The following DHODH variants were observed in gnomAD, a reference collection of about 807,000 sequenced individuals.
The protein encoded by DHODH is dihydroorotate dehydrogenase (quinone), mitochondrial.
In DHODH, 30 loss-of-function variants were observed where a neutral mutation model predicts 39.7. That is an observed-to-expected ratio of 0.76 (90% CI 0.57 to 1.02). The LOEUF (loss-of-function observed/expected upper bound fraction) is 1.02, where lower values mean the gene tolerates loss of function less well. Among genes scored for constraint, DHODH ranks in the 50% least tolerant of loss-of-function variants. DHODH has a pLI of 0.00. For missense variants in DHODH, 531 were observed against 520.8 expected (o/e 1.02, Z -0.19); for synonymous variants, 222 against 213.8 (o/e 1.04, Z -0.34).
In DHODH at chr16:72,017,032, TTAACAGTCACGGGCTTTCAGTG is replaced by T. The variant is rs2143982560; in HGVS notation, c.444_465del (p.Phe148LeufsTer56). 1 of 1,613,976 alleles carries T rather than the reference TTAACAGTCACGGGCTTTCAGTG, an allele frequency of 6.2e-7. No homozygotes were observed. Among genetic ancestry groups the T allele is most frequent in the African/African-American group, 1.3e-5 (1 of 74,992 alleles). ...GTGCTTGTGCTCTGCAGGTATGGAT[TTAACAGTCACGGGCTTTCAGTG>T]GTGGAACACAGGTTACGGGCCAGAC... On this transcript the variant is annotated frameshift_variant, in exon 4 of 9. Transcript: ENST00000219240. LOFTEE classifies it high-confidence loss of function.
intron 1 of DHODH, among the ~76,000 whole-genome samples, chr16:72,010,476 A>G (rs1351966960): frequency 6.6e-6 from 1 of 152,176 alleles, no homozygotes; most frequent in Non-Finnish European, 1.5e-5. Flanking sequence ...TGCTATGACT[A>G]CATATTTGCA....
chr16:72,014,573 T>C lies in DHODH; in HGVS notation c.335T>C (p.Phe112Ser). The C allele has an allele frequency of 1.2e-6, 2 of 1,614,192 alleles. No homozygotes were observed. The highest frequency in any genetic ancestry group is 2.2e-5 in the South Asian group (2 of 91,078). ...GTGGACGGACTTTATAAGATGGGCT[T>C]TGGTTTTGTTGAGATAGGAAGTGTG... ...EAVDGLYKMG[F>S]GFVEIGSVTP... Residue 112 changes from phenylalanine to serine, a missense_variant, in exon 3 of 9, where the codon TTT (phenylalanine) becomes TCT (serine). Transcript: ENST00000219240.
intron 1 of DHODH, among the ~76,000 whole-genome samples, chr16:72,009,556 G>A (rs2041060298): frequency 6.9e-6 from 1 of 145,466 alleles, no homozygotes; most frequent in Non-Finnish European, 1.5e-5. Flanking sequence ...GATATTTGTT[G>A]ATTGACATGG....
intron 3 of DHODH, chr16:72,016,522 GA>G: frequency 4.4e-6 from 1 of 229,202 alleles, no homozygotes; most frequent in Non-Finnish European, 8.7e-6. Flanking sequence ...CAAGCCAGGA[GA>G]AAGGTGGGGC....
chr16:72,023,618 T>C lies in DHODH; in HGVS notation c.1118T>C (p.Leu373Pro). The C allele has an allele frequency of 6.2e-7, 1 of 1,614,030 alleles. No individual in the cohort carries two copies. Among genetic ancestry groups the C allele is most frequent in the Non-Finnish European group, 8.5e-7 (1 of 1,180,036 alleles). ...GTTGTGGGCAAAGTCAAGCGGGAAC[T>C]GGAGGCCCTTCTGAAGTGAGTGAGG... ...PPVVGKVKRELEALLKEQGFG... is the reference protein window; with the variant it reads ...PPVVGKVKREPEALLKEQGFG... Residue 373 changes from leucine to proline, a missense_variant, in exon 8 of 9, where the codon CTG (leucine) becomes CCG (proline). Transcript: ENST00000219240.
Position 72,021,121 on chromosome 16 carries a change from C to T in DHODH, c.518-3C>T. ...GTGCAGGCCTGACCAGCGATGTTTG[C>T]AGATGGACTGCCTCTGGGGGTCAAC... On this transcript the variant is annotated splice_region_variant and splice_polypyrimidine_tract_variant and intron_variant, in intron 4 of 8. Transcript: ENST00000219240. 6.2e-7 allele frequency: 1 copy of T among 1,602,904 alleles called. No individual in the cohort carries two copies. The highest frequency in any genetic ancestry group is 8.5e-7 in the Non-Finnish European group (1 of 1,174,476).
At position 72,026,957 on chromosome 16, in the gene DHODH, ATTTGTGTGTGTGTGTGTG is replaced by A. The variant is rs2041280730; in HGVS notation, c.*2760_*2777del. ...AGGTGCCCACTACCACACCCAGCTA[ATTTGTGTGTGTGTGTGTG>A]TGTGTGTGTGTGTGTGTGTGTGTGT... On this transcript the variant is annotated 3_prime_UTR_variant, in exon 9 of 9. Coordinates refer to ENST00000219240, the MANE Select transcript of DHODH (RefSeq NM_001361.5). 1 of 106,578 alleles carries A rather than the reference ATTTGTGTGTGTGTGTGTG, an allele frequency of 9.4e-6. No homozygotes were observed. Among genetic ancestry groups the A allele is most frequent in the African/African-American group, 3.7e-5 (1 of 26,728 alleles). 6.6% of individuals were successfully genotyped at this position (106,578 alleles called of 1,614,324 possible).
At chr16:72,009,764 G>T (rs566398832) in intron 1 of DHODH, among the ~76,000 whole-genome samples, 1 of 151,276 alleles carries the variant, frequency 6.6e-6, no homozygotes, top group Non-Finnish European at 1.5e-5. Context: ...ACAGGCGCGC[G>T]CCACCACGAC....
chr16:72,012,093 T>A lies in DHODH; in HGVS notation c.65T>A (p.Leu22His). 6.2e-7 allele frequency: 1 copy of A among 1,614,168 alleles called. No individual in the cohort carries two copies. Among genetic ancestry groups the A allele is most frequent in the Non-Finnish European group, 8.5e-7 (1 of 1,180,012 alleles). Residue 22 changes from leucine (L) to histidine (H), a missense_variant, in exon 2 of 9, where the codon CTT becomes CAT. Transcript: ENST00000219240. The stretch of plus-strand genomic sequence containing the variant: ...GTGATCATCCTGGGGGGAGGAGGAC[T>A]TCTCTTCGCCTCCTACCTGATGGCC... ...DAVIILGGGG[L>H]LFASYLMATG...
intron 4 of DHODH, among the ~76,000 whole-genome samples, chr16:72,019,773 G>A (rs543495850): frequency 6.6e-6 from 1 of 152,042 alleles, no homozygotes; most frequent in Non-Finnish European, 1.5e-5. Flanking sequence ...ATTATATGAG[G>A]GAGAGTCCCT....
In DHODH at chr16:72,027,645, T is replaced by C. The variant is rs921314571; in HGVS notation, c.*3446T>C. ...TTGCCAATTTCATATCAGTTAAATA[T>C]AAGCAGTAAGCTAATCCTATTCTGT... On this transcript the variant is annotated 3_prime_UTR_variant, in exon 9 of 9. Transcript: ENST00000219240. 1 of 152,218 alleles carries C rather than the reference T, an allele frequency of 6.6e-6. No individual in the cohort carries two copies. The highest frequency in any genetic ancestry group is 1.5e-5 in the Non-Finnish European group (1 of 68,042). The allele number at this position is 152,218 out of a possible 1,614,324, so 9.4% of individuals were successfully genotyped here. A position where few individuals can be genotyped will look rare whatever the true frequency, so the allele number is the denominator to read the frequency against.
At chr16:72,014,276 G>A (rs768907614) in intron 2 of DHODH, 197 bp from the exon 3 acceptor site, 3 of 605,316 alleles carry the variant, frequency 5.0e-6, no homozygotes, top group African/African-American at 1.9e-5. Flanking sequence ...ACAGTCCCCT[G>A]GAGAGCCAGC....
intron 4 of DHODH, among the ~76,000 whole-genome samples, chr16:72,019,470 A>G (rs2143989486): frequency 6.6e-6 from 1 of 152,344 alleles, no homozygotes; most frequent in Admixed American, 6.5e-5. Context: ...TACAGCCTGT[A>G]CCATTGATGT....
chr16:72,020,510 T>G (rs2041200835), intron 4 of DHODH: 1 of 152,214 alleles, frequency 6.6e-6, no homozygotes, highest in African/African-American at 2.4e-5. Flanking sequence ...TGTGCACCAC[T>G]GCTCCCGGCT....
intron 3 of DHODH, among the ~76,000 whole-genome samples, chr16:72,015,405 A>T (rs764629046): frequency 6.6e-6 from 1 of 152,234 alleles, no homozygotes; most frequent in Non-Finnish European, 1.5e-5. Context: ...TAGTAAGAGA[A>T]ATCCTTCTAG....
chr16:72,020,131 C>T lies in DHODH; in HGVS notation c.518-993C>T, dbSNP rs535974568. 2.6e-5 allele frequency among the ~76,000 whole-genome samples: 4 copies of T among 151,940 alleles called. No individual in the cohort carries two copies. The South Asian group carries it at 8.3e-4, about 32-fold the overall frequency. ...TCTCTACTAAAAATACAAAAATTAGCTGGGCGTGGTGGCACATGCGTGTAA... is the reference window on the plus strand; with the variant it reads ...TCTCTACTAAAAATACAAAAATTAGTTGGGCGTGGTGGCACATGCGTGTAA... On this transcript the variant is annotated intron_variant, in intron 4 of 8. Coordinates refer to ENST00000219240, the MANE Select transcript of DHODH (RefSeq NM_001361.5).
chr16:72,008,922 G>T (rs2041050428), intron 1 of DHODH, 137 bp downstream of exon 1: 1 of 1,534,144 alleles, frequency 6.5e-7, no homozygotes. Context: ...GCGTGTTTCC[G>T]GGGTCTCCTG....
intron 4 of DHODH, among the ~76,000 whole-genome samples, chr16:72,018,822 C>T (rs765446615): frequency 4.2e-4 from 64 of 152,200 alleles, no homozygotes; most frequent in Non-Finnish European, 6.9e-4. Context: ...ACTCCTAATC[C>T]GTTAGCTACA....
intron 1 of DHODH, among the ~76,000 whole-genome samples, chr16:72,010,493 TTAA>T (rs1420046558): frequency 1.3e-5 from 2 of 152,224 alleles, no homozygotes; most frequent in African/African-American, 4.8e-5. Flanking sequence ...TGCATGATCA[TTAA>T]TTTCTGTCTG....
Sources: gnomAD v4.1 joint callset for allele counts (sites outside exome capture counted in the v4.1 genomes callset) on GRCh38, gnomAD v4.1.1 for gene constraint, MANE v1.5 for transcripts, NCBI Gene and HGNC (gene_info 2026-07-23, HGNC 2026-07-21) for gene names.